Variants in TMPRSS2 observed in about 807,000 individuals in gnomAD.
TMPRSS2 encodes transmembrane serine protease 2.
In TMPRSS2, 59 loss-of-function variants were observed where a neutral mutation model predicts 67.4. The ratio of observed to expected loss-of-function variants is 0.88; its 90% CI spans 0.71 to 1.09. The LOEUF is 1.09. Among genes scored for constraint, TMPRSS2 ranks in the 50% least tolerant of loss-of-function variants. The probability of loss-of-function intolerance (pLI) is 0.00; values close to 1 mark genes in which losing one functional copy is unlikely to be tolerated. For missense variants in TMPRSS2, 668 were observed against 642.7 expected (o/e 1.04, Z -0.43); for synonymous variants, 257 against 257.0 (o/e 1.00, Z 0.00).
In TMPRSS2 at chr21:41,500,055, G is replaced by A. The variant is rs139661079; in HGVS notation, c.-56-1866C>T. On this transcript the variant is annotated intron_variant, in intron 1 of 13. Transcript: ENST00000332149. ...TCCCAGTTGCTGGCACAAAGCAGGT[G>A]CTCAAACAGCAGCAGGCAGCACTGG... 2.2e-3 allele frequency among the ~76,000 whole-genome samples: 336 copies of A among 152,248 alleles called. 2 individuals are homozygous for A. The highest frequency in any genetic ancestry group is 7.6e-3 in the African/African-American group (315 of 41,550).
At chr21:41,494,632 G>T (rs2091366121) in intron 2 of TMPRSS2, 54 bp from the exon 3 acceptor site, 3 of 1,485,156 alleles carry the variant, frequency 2.0e-6, no homozygotes, top group African/African-American at 1.4e-5. Context: ...GCACTAAAGG[G>T]TTACATACAA....
At chr21:41,506,516 T>A (rs2091459089) in intron 1 of TMPRSS2, 1 of 152,272 alleles carries the variant, frequency 6.6e-6, no homozygotes, top group African/African-American at 2.4e-5. Context: ...GGTGGGGAAG[T>A]CCTGAGCAAC....
At position 41,508,145 on chromosome 21, in the gene TMPRSS2, G is replaced by C. The variant is rs866213939; in HGVS notation, c.-121C>G. The C allele has an allele frequency of 4.9e-6, 4 of 808,176 alleles. No individual in the cohort carries two copies. The African/African-American group carries it at 7.3e-5, about 15-fold the overall frequency. 50.1% of individuals were successfully genotyped at this position (808,176 alleles called of 1,614,324 possible). A position where few individuals can be genotyped will look rare whatever the true frequency, so the allele number is the denominator to read the frequency against. On this transcript the variant is annotated 5_prime_UTR_variant, in exon 1 of 14. Transcript: ENST00000332149. ...CGCCTCCGCCTCCGCCTCCTGCTTA[G>C]CTCGCGCCTACTCGGCCCGGCCCGC...
intron 1 of TMPRSS2, among the ~76,000 whole-genome samples, chr21:41,503,201 C>T (rs1273131791): frequency 1.3e-5 from 2 of 152,222 alleles, no homozygotes. Flanking sequence ...CACACCCAGA[C>T]AACACCAGCA....
chr21:41,501,428 G>C (rs1042569272), intron 1 of TMPRSS2, among the ~76,000 whole-genome samples: 9 of 152,084 alleles, frequency 5.9e-5, no homozygotes, highest in Admixed American at 2.6e-4. Context: ...GGCCAACATA[G>C]TGAAACCCCA....
At chr21:41,475,334 T>C (rs1341373684) in intron 8 of TMPRSS2, among the ~76,000 whole-genome samples, 1 of 6,290 alleles carries the variant, frequency 1.6e-4, no homozygotes, top group Non-Finnish European at 2.5e-4. Flanking sequence ...AGTGAGGAGG[T>C]GAAGGTGTGA....
chr21:41,485,606 G>A (rs2091290955), intron 5 of TMPRSS2, among the ~76,000 whole-genome samples: 1 of 149,634 alleles, frequency 6.7e-6, no homozygotes, highest in South Asian at 2.1e-4. Flanking sequence ...CCATGGTCAT[G>A]CCTCTGCACT....
At chr21:41,488,926 C>G (rs145996484) in intron 4 of TMPRSS2, among the ~76,000 whole-genome samples, 520 of 152,342 alleles carry the variant, frequency 3.4e-3, no homozygotes, top group African/African-American at 0.012. Flanking sequence ...CAGGCGTGAG[C>G]CACCTCACCC....
rs2091078841 is a variant in TMPRSS2 at position 41,465,835 on chromosome 21, T to C, written c.*307A>G. The C allele has an allele frequency of 2.4e-6, 1 of 416,922 alleles. No homozygotes were observed. The highest frequency in any genetic ancestry group is 4.3e-6 in the Non-Finnish European group (1 of 233,696). The allele number at this position is 416,922 out of a possible 1,614,324, so 25.8% of individuals were successfully genotyped here. On this transcript the variant is annotated 3_prime_UTR_variant, in exon 14 of 14. Coordinates refer to ENST00000332149, the MANE Select transcript of TMPRSS2 (RefSeq NM_005656.4). ...TCCATGCTCATCCAAAATTGGCCCC[T>C]GGAAAGGACTCAGCAGGAAGATCTC... is the stretch of plus-strand genomic sequence containing the variant.
intron 1 of TMPRSS2, chr21:41,507,805 G>A (rs2091468965): frequency 3.2e-6 from 3 of 940,498 alleles, no homozygotes; most frequent in South Asian, 2.1e-5. Flanking sequence ...AGGACCACCT[G>A]CCCCAACCTC....
At chr21:41,495,237 T>C (rs2146486250) in intron 2 of TMPRSS2, among the ~76,000 whole-genome samples, 1 of 152,360 alleles carries the variant, frequency 6.6e-6, no homozygotes, top group South Asian at 2.1e-4. Context: ...TTTTCTTACA[T>C]GTCTATTTAT....
chr21:41,469,107 G>A (rs946848407), intron 11 of TMPRSS2, among the ~76,000 whole-genome samples: 4 of 151,864 alleles, frequency 2.6e-5, no homozygotes, highest in Admixed American at 1.3e-4. Flanking sequence ...AGAACCCTCC[G>A]TCACACCTTC....
intron 5 of TMPRSS2, among the ~76,000 whole-genome samples, chr21:41,485,507 G>A (rs780669239): frequency 2.6e-4 from 40 of 152,120 alleles, no homozygotes; most frequent in Non-Finnish European, 4.4e-4. Context: ...AAATTAGCCA[G>A]GTGTGGTGGC....
chr21:41,481,204 G>C (rs913145867), intron 5 of TMPRSS2, among the ~76,000 whole-genome samples: 3 of 152,222 alleles, frequency 2.0e-5, no homozygotes, highest in African/African-American at 7.2e-5. Context: ...GGCTGGGTGA[G>C]CAGAATAGGA....
chr21:41,499,855 A>G (rs2091411587), intron 1 of TMPRSS2, among the ~76,000 whole-genome samples: 2 of 151,704 alleles, frequency 1.3e-5, no homozygotes, highest in South Asian at 4.2e-4. Flanking sequence ...GCTTTTTTCC[A>G]CCCCTTCCCG....
chr21:41,470,557 A>G (rs1242839947), intron 11 of TMPRSS2, 91 bp downstream of exon 11: 3 of 1,196,292 alleles, frequency 2.5e-6, no homozygotes, highest in Non-Finnish European at 3.6e-6. Context: ...ATTGAGTAGT[A>G]GAACTGGGAT....
chr21:41,477,291 G>C (rs2091222266), intron 7 of TMPRSS2, among the ~76,000 whole-genome samples: 1 of 152,122 alleles, frequency 6.6e-6, no homozygotes, highest in African/African-American at 2.4e-5. Flanking sequence ...GCCTGAGATG[G>C]GGCAAGACAC....
intron 3 of TMPRSS2, 125 bp downstream of exon 3, chr21:41,494,231 A>G (rs1229157905): frequency 9.8e-7 from 1 of 1,018,450 alleles, no homozygotes; most frequent in Non-Finnish European, 1.4e-6. Context: ...TGGCTCCGGA[A>G]GACGGAGGAG....
intron 13 of TMPRSS2, 128 bp downstream of exon 13, chr21:41,467,606 A>ATGGG: frequency 9.3e-7 from 1 of 1,077,232 alleles, no homozygotes; most frequent in Non-Finnish European, 1.4e-6. Flanking sequence ...GGCTGGAGGA[A>ATGGG]GCAGAGTTTG....
Sources: gnomAD v4.1 joint callset for allele counts (sites outside exome capture counted in the v4.1 genomes callset) on GRCh38, gnomAD v4.1.1 for gene constraint, MANE v1.5 for transcripts, NCBI Gene and HGNC (gene_info 2026-07-23, HGNC 2026-07-21) for gene names.